NDUFAF2: variants seen among roughly 807,000 people sequenced by gnomAD.
The protein encoded by NDUFAF2 is NADH:ubiquinone oxidoreductase complex assembly factor 2, also known as NADH dehydrogenase [ubiquinone] 1 alpha subcomplex assembly factor 2.
NDUFAF2 carries 13 observed loss-of-function variants against 22.8 expected under a neutral mutation model. The observed-to-expected ratio is 0.57, with a 90% confidence interval of 0.37 to 0.91. NDUFAF2 has a LOEUF of 0.91. Among genes scored for constraint, NDUFAF2 ranks in the 40% least tolerant of loss-of-function variants. The pLI is 0.01. For synonymous variants in NDUFAF2, 53 were observed against 64.2 expected (o/e 0.83, Z 0.84); for missense variants, 162 against 195.2 (o/e 0.83, Z 1.01).
intron 1 of NDUFAF2, among the ~76,000 whole-genome samples, chr5:61,034,912 A>ATGTGTGTGTGTG (rs1554080641): frequency 0.018 from 2,657 of 144,934 alleles, 35 homozygotes; most frequent in Non-Finnish European, 0.027. Flanking sequence ...GCAAATATAT[A>ATGTGTGTGTGTG]TGTGTGTGTG....
intron 1 of NDUFAF2, among the ~76,000 whole-genome samples, chr5:61,012,037 G>T (rs746493799): frequency 6.6e-6 from 1 of 151,998 alleles, no homozygotes; most frequent in African/African-American, 2.4e-5. Flanking sequence ...CTCAATTAAC[G>T]TCTTTAAAGC....
chr5:61,031,628 A>T (rs1751729179), intron 1 of NDUFAF2, among the ~76,000 whole-genome samples: 2 of 152,052 alleles, frequency 1.3e-5, no homozygotes, highest in South Asian at 4.1e-4. Flanking sequence ...TCTATCATTG[A>T]TGGGCATTTG....
At chr5:60,986,910 C>CAATAAT in intron 1 of NDUFAF2, among the ~76,000 whole-genome samples, 1 of 104,528 alleles carries the variant, frequency 9.6e-6, no homozygotes, top group Non-Finnish European at 1.9e-5. Context: ...CTAGCCCGGG[C>CAATAAT]AATAATAGTG....
At chr5:61,032,357 T>G (rs1221231255) in intron 1 of NDUFAF2, among the ~76,000 whole-genome samples, 3 of 152,216 alleles carry the variant, frequency 2.0e-5, no homozygotes, top group Non-Finnish European at 2.9e-5. Flanking sequence ...TTTATGGTTT[T>G]AGGTCTTATG....
At chr5:61,006,568 C>A (rs1011327259) in intron 1 of NDUFAF2, among the ~76,000 whole-genome samples, 21 of 152,096 alleles carry the variant, frequency 1.4e-4, no homozygotes, top group African/African-American at 4.8e-4. Context: ...TTCTTCCTAC[C>A]CATGAGCATG....
chr5:61,038,088 AAGAGAGAG>A (rs138511749), intron 1 of NDUFAF2, among the ~76,000 whole-genome samples: 7 of 77,824 alleles, frequency 9.0e-5, no homozygotes, highest in South Asian at 6.7e-4. Flanking sequence ...GAGGCGGGGG[AAGAGAGAG>A]AGAGAGAGAG....
intron 3 of NDUFAF2, among the ~76,000 whole-genome samples, chr5:61,128,926 G>A (rs1753071832): frequency 6.6e-6 from 1 of 151,962 alleles, no homozygotes; most frequent in African/African-American, 2.4e-5. Context: ...TATCCAGAAT[G>A]TACAAAGAAC....
intron 1 of NDUFAF2, among the ~76,000 whole-genome samples, chr5:61,052,321 T>G (rs1241718518): frequency 6.6e-6 from 1 of 152,226 alleles, no homozygotes; most frequent in South Asian, 2.1e-4. Context: ...TTTCTCTTTT[T>G]TTCTTTTGAG....
intron 3 of NDUFAF2, among the ~76,000 whole-genome samples, chr5:61,117,386 T>C (rs1192010714): frequency 6.6e-6 from 1 of 152,170 alleles, no homozygotes; most frequent in Non-Finnish European, 1.5e-5. Flanking sequence ...GACAGGGTCT[T>C]GCTCTGTTGC....
At chr5:60,955,380 G>T (rs158926) in intron 1 of NDUFAF2, among the ~76,000 whole-genome samples, 22,565 of 152,142 alleles carry the variant, frequency 0.15, 2,129 homozygotes, top group South Asian at 0.28. Context: ...TTGTCCTCAT[G>T]TGTGGGTTTA....
intron 1 of NDUFAF2, among the ~76,000 whole-genome samples, chr5:60,966,970 G>A (rs1268712455): frequency 6.6e-6 from 1 of 152,026 alleles, no homozygotes; most frequent in Non-Finnish European, 1.5e-5. Flanking sequence ...TTCTTCCAAT[G>A]CATGAAACAG....
intron 1 of NDUFAF2, among the ~76,000 whole-genome samples, chr5:61,043,707 G>GTA (rs1751911896): frequency 6.7e-6 from 1 of 148,964 alleles, no homozygotes; most frequent in Non-Finnish European, 1.5e-5. Flanking sequence ...GTGTGTATGT[G>GTA]TGTGTGTGTG....
intron 1 of NDUFAF2, among the ~76,000 whole-genome samples, chr5:60,958,669 C>T (rs1470551182): frequency 1.3e-5 from 2 of 151,980 alleles, no homozygotes; most frequent in Non-Finnish European, 2.9e-5. Flanking sequence ...CAGATGTTTA[C>T]GGACCCAGAG....
chr5:61,088,062 G>A (rs762873139), intron 2 of NDUFAF2, among the ~76,000 whole-genome samples: 2 of 152,056 alleles, frequency 1.3e-5, no homozygotes, highest in African/African-American at 2.4e-5. Flanking sequence ...CATCCCACTT[G>A]TGTGGTTGTT....
chr5:61,133,860 C>A (rs1753142118), intron 3 of NDUFAF2, among the ~76,000 whole-genome samples: 1 of 152,186 alleles, frequency 6.6e-6, no homozygotes. Flanking sequence ...GCATAAAGGG[C>A]AGGCAAAAAC....
intron 3 of NDUFAF2, among the ~76,000 whole-genome samples, chr5:61,135,205 G>C (rs911480333): frequency 2.6e-5 from 4 of 151,080 alleles, no homozygotes; most frequent in African/African-American, 4.9e-5. Context: ...TGACAGTCCA[G>C]TAGCAATTAA....
intron 2 of NDUFAF2, among the ~76,000 whole-genome samples, chr5:61,084,979 T>C (rs1405899729): frequency 6.6e-6 from 1 of 152,150 alleles, no homozygotes; most frequent in East Asian, 1.9e-4. Context: ...TTCCATATGC[T>C]CATGGAACAT....
chr5:61,011,463 G>A (rs758931241), intron 1 of NDUFAF2, among the ~76,000 whole-genome samples: 11 of 152,102 alleles, frequency 7.2e-5, no homozygotes, highest in Non-Finnish European at 1.5e-4. Context: ...AGGGAAGGAC[G>A]AGCACTCAAG....
chr5:61,033,464 G>A (rs142515137), intron 1 of NDUFAF2, among the ~76,000 whole-genome samples: 48 of 152,046 alleles, frequency 3.2e-4, no homozygotes, highest in African/African-American at 1.1e-3. Flanking sequence ...TAAATGTTTC[G>A]TCTTATTCCA....
Sources: allele counts gnomAD v4.1 joint callset (sites outside exome capture counted in the v4.1 genomes callset), GRCh38; gene constraint gnomAD v4.1.1; transcripts MANE v1.5; gene names NCBI Gene and HGNC (gene_info 2026-07-23, HGNC 2026-07-21).